APBB2: variants seen among roughly 807,000 people sequenced by gnomAD.
APBB2 encodes amyloid beta precursor protein binding family B member 2, also known as Fe65-like 1.
A neutral mutation model predicts 82.5 loss-of-function variants in APBB2; 38 were observed. The ratio of observed to expected loss-of-function variants is 0.46; its 90% CI spans 0.36 to 0.60. APBB2 has a LOEUF of 0.60. Among genes scored for constraint, APBB2 ranks in the 20% least tolerant of loss-of-function variants. The pLI is 0.00. For synonymous variants in APBB2, 341 were observed against 368.2 expected (o/e 0.93, Z 0.85); for missense variants, 772 against 972.3 (o/e 0.79, Z 2.74).
rs116011887 is a variant in APBB2 at position 40,996,824 on chromosome 4, A to C, written c.835+16759T>G. On this transcript the variant is annotated intron_variant, in intron 6 of 17. Coordinates refer to ENST00000508593, the MANE Select transcript of APBB2 (RefSeq NM_004307.2). ...CTAAACAAATTACTGTAAAACTCTC[A>C]TAATCACCTGCCTCCTTTTGAAACT... Among the ~76,000 whole-genome samples the C allele has an allele frequency of 4.1e-3, 618 of 152,270 alleles. 6 individuals carry two copies. Among genetic ancestry groups the C allele is most frequent in the African/African-American group, 0.014 (597 of 41,528 alleles).
chr4:40,985,322 T>A (rs1407027853), intron 6 of APBB2, among the ~76,000 whole-genome samples: 1 of 152,162 alleles, frequency 6.6e-6, no homozygotes, highest in Non-Finnish European at 1.5e-5. Context: ...AATTTCAATC[T>A]ATCTATTTAA....
chr4:41,080,525 G>A (rs924824545), intron 3 of APBB2, among the ~76,000 whole-genome samples: 2 of 152,070 alleles, frequency 1.3e-5, no homozygotes, highest in African/African-American at 4.8e-5. Flanking sequence ...ATACAAACCC[G>A]ATAAAGAGGG....
chr4:41,105,235 T>C lies in APBB2; in HGVS notation c.-260-4485A>G, dbSNP rs1003123204. Among the ~76,000 whole-genome samples the C allele has an allele frequency of 4.6e-5, 7 of 152,362 alleles. No individual in the cohort carries two copies. In the South Asian group the frequency reaches 6.2e-4, roughly 14 times the overall value. ...TATAGTCTATTTTTGTTTTGTTTTT[T>C]ACTTCCAAAAATGCTGACACCGATG... On this transcript the variant is annotated intron_variant, in intron 2 of 17. Coordinates refer to ENST00000508593, the MANE Select transcript of APBB2 (RefSeq NM_004307.2).
At chr4:40,910,034 C>T (rs1252902026) in intron 10 of APBB2, among the ~76,000 whole-genome samples, 5 of 152,094 alleles carry the variant, frequency 3.3e-5, no homozygotes, top group Non-Finnish European at 5.9e-5. Context: ...TTCACCGCAA[C>T]CTCTGTCTCC....
chr4:41,011,145 A>G (rs999267029), intron 6 of APBB2, among the ~76,000 whole-genome samples: 2 of 145,546 alleles, frequency 1.4e-5, no homozygotes, highest in African/African-American at 5.5e-5. Context: ...ATTGATTATT[A>G]TTGTTTTTTT....
At chr4:40,841,503 G>A (rs1392756253) in intron 12 of APBB2, among the ~76,000 whole-genome samples, 1 of 152,102 alleles carries the variant, frequency 6.6e-6, no homozygotes, top group Non-Finnish European at 1.5e-5. Context: ...TTGTTTCATA[G>A]GTATGTCTTT....
At chr4:40,923,436 C>A (rs1318652032) in intron 10 of APBB2, among the ~76,000 whole-genome samples, 4 of 152,222 alleles carry the variant, frequency 2.6e-5, no homozygotes, top group Admixed American at 6.5e-5. Context: ...AGCTTCAGGA[C>A]CCCCAGGTCT....
At chr4:41,000,300 A>C (rs1804866280) in intron 6 of APBB2, among the ~76,000 whole-genome samples, 2 of 152,030 alleles carry the variant, frequency 1.3e-5, no homozygotes, top group South Asian at 4.2e-4. Flanking sequence ...TAAAAAGGGC[A>C]AAGTCAAACT....
At chr4:41,180,313 G>A (rs1217530974) in intron 1 of APBB2, among the ~76,000 whole-genome samples, 1 of 152,164 alleles carries the variant, frequency 6.6e-6, no homozygotes, top group African/African-American at 2.4e-5. Flanking sequence ...GGGTCCTTAA[G>A]AGTAAACTTG....
chr4:41,188,160 C>A (rs1773440952), intron 1 of APBB2, among the ~76,000 whole-genome samples: 1 of 152,082 alleles, frequency 6.6e-6, no homozygotes, highest in Admixed American at 6.5e-5. Context: ...AAAAGAAAAT[C>A]TAGAGACAGA....
chr4:41,018,904 TC>T lies in APBB2; in HGVS notation c.20-4507del, dbSNP rs138435725. Among the ~76,000 whole-genome samples the T allele has an allele frequency of 6.6e-3, 1,006 of 152,262 alleles. 16 individuals are homozygous for T. Among genetic ancestry groups the T allele is most frequent in the African/African-American group, 0.022 (897 of 41,550 alleles). On this transcript the variant is annotated intron_variant, in intron 5 of 17. Transcript: ENST00000508593. ...AAGAAAGTGGGAGAGGACAAGGTAG[TC>T]ACAAGAGACTTAGGTATGGGGGTGA...
chr4:41,201,293 A>T (rs1248733133), intron 1 of APBB2, among the ~76,000 whole-genome samples: 4 of 152,214 alleles, frequency 2.6e-5, no homozygotes, highest in Non-Finnish European at 4.4e-5. Flanking sequence ...AGGGACTGTC[A>T]TCTGTATTTT....
intron 6 of APBB2, among the ~76,000 whole-genome samples, chr4:41,001,664 G>A (rs769530855): frequency 4.6e-5 from 7 of 152,124 alleles, no homozygotes; most frequent in African/African-American, 1.2e-4. Context: ...GATCACCTAC[G>A]GTCGGGAGTT....
chr4:40,861,116 C>T (rs9995156), intron 12 of APBB2, among the ~76,000 whole-genome samples: 7,255 of 151,414 alleles, frequency 0.048, 272 homozygotes, highest in African/African-American at 0.099. Flanking sequence ...TTTGGGAGGC[C>T]GAGGTGGGCG....
chr4:40,994,262 G>A (rs1254636764), intron 6 of APBB2, among the ~76,000 whole-genome samples: 1 of 146,396 alleles, frequency 6.8e-6, no homozygotes, highest in Non-Finnish European at 1.5e-5. Flanking sequence ...ACTCCAGCCT[G>A]GGCAACAGAG....
At chr4:41,176,812 T>A (rs1769920896) in intron 1 of APBB2, among the ~76,000 whole-genome samples, 1 of 151,976 alleles carries the variant, frequency 6.6e-6, no homozygotes, top group African/African-American at 2.4e-5. Context: ...AAAACTAAAA[T>A]TATAAGAAAA....
intron 4 of APBB2, among the ~76,000 whole-genome samples, chr4:41,049,493 CG>C (rs1725072676): frequency 6.8e-6 from 1 of 146,826 alleles, no homozygotes; most frequent in Non-Finnish European, 1.5e-5. Context: ...CCAGCCGCCC[CG>C]TCCGGGAGGG....
At chr4:40,969,824 C>A (rs909262496) in intron 6 of APBB2, among the ~76,000 whole-genome samples, 2 of 152,184 alleles carry the variant, frequency 1.3e-5, no homozygotes, top group African/African-American at 4.8e-5. Context: ...CATGTTTCAA[C>A]CCAAGGTTAC....
At chr4:40,818,618 T>C (rs1746653111) in intron 17 of APBB2, among the ~76,000 whole-genome samples, 1 of 152,156 alleles carries the variant, frequency 6.6e-6, no homozygotes. Flanking sequence ...GTCAGTGGGT[T>C]CACCTGACTC....
Sources: allele counts gnomAD v4.1 joint callset (sites outside exome capture counted in the v4.1 genomes callset), GRCh38; gene constraint gnomAD v4.1.1; transcripts MANE v1.5; gene names NCBI Gene and HGNC (gene_info 2026-07-23, HGNC 2026-07-21).